Variants in DPP10 observed in about 807,000 individuals in gnomAD.
The protein encoded by DPP10 is inactive dipeptidyl peptidase 10.
A neutral mutation model predicts 120.9 loss-of-function variants in DPP10; 33 were observed. The observed-to-expected ratio is 0.27, with a 90% CI of 0.21 to 0.37. The LOEUF (loss-of-function observed/expected upper bound fraction) is 0.37. Ranked by LOEUF, DPP10 falls within the 10% of genes least tolerant of loss-of-function variation. The pLI is 1.00. For missense variants in DPP10, 816 were observed against 942.8 expected (o/e 0.87, Z 1.76); for synonymous variants, 337 against 326.1 (o/e 1.03, Z -0.36).
chr2:115,051,838 CCA>C (rs1444057907), intron 1 of DPP10, among the ~76,000 whole-genome samples: 3 of 644 alleles, frequency 4.7e-3, no homozygotes, highest in Non-Finnish European at 0.018. Flanking sequence ...GTTCTCATAA[CCA>C]AAAAAATGAT....
In DPP10 at chr2:114,822,587, T is replaced by C. The variant is rs191657831; in HGVS notation, c.60+379749T>C. Among the ~76,000 whole-genome samples the C allele has an allele frequency of 3.3e-4, 51 of 152,324 alleles. 1 individual carries two copies. Among genetic ancestry groups the C allele is most frequent in the African/African-American group, 1.2e-3 (51 of 41,572 alleles). ...AAATTGGTTTTGCTTTTGTATTGCATTGCCAGGCTGCAAATTTTCCAAACT... is the reference window on the plus strand; with the variant it reads ...AAATTGGTTTTGCTTTTGTATTGCACTGCCAGGCTGCAAATTTTCCAAACT... On this transcript the variant is annotated intron_variant, in intron 1 of 25. Transcript: ENST00000410059.
intron 5 of DPP10, among the ~76,000 whole-genome samples, chr2:115,670,555 T>C (rs974868411): frequency 1.2e-4 from 19 of 152,068 alleles, no homozygotes; most frequent in African/African-American, 4.1e-4. Flanking sequence ...AGAGGCTAAG[T>C]TGTGAAAGAG....
intron 5 of DPP10, among the ~76,000 whole-genome samples, chr2:115,653,687 T>C (rs2088016034): frequency 6.6e-6 from 1 of 151,926 alleles, no homozygotes; most frequent in African/African-American, 2.4e-5. Flanking sequence ...TTCCCCTTTT[T>C]CCAACTAGTG....
At chr2:114,748,344 T>C (rs1159420087) in intron 1 of DPP10, among the ~76,000 whole-genome samples, 5 of 130,802 alleles carry the variant, frequency 3.8e-5, no homozygotes, top group African/African-American at 6.2e-5. Context: ...TTTTCTTTTT[T>C]TTTTTTATTT....
At position 115,090,908 on chromosome 2, in the gene DPP10, G is replaced by A. The variant is rs193102861; in HGVS notation, c.61-218331G>A. On this transcript the variant is annotated intron_variant, in intron 1 of 25. Coordinates refer to ENST00000410059, the MANE Select transcript of DPP10 (RefSeq NM_020868.6). ...GAAGGGGTTTGGAATGTTTCTGGTC[G>A]GAGATGTCATTTGTGGTTTATGGTC... 2.3e-4 allele frequency among the ~76,000 whole-genome samples: 35 copies of A among 152,222 alleles called. No individual in the cohort carries two copies. The East Asian group carries it at 4.8e-3, about 21-fold the overall frequency.
At chr2:114,863,208 A>T (rs985395530) in intron 1 of DPP10, among the ~76,000 whole-genome samples, 7 of 152,210 alleles carry the variant, frequency 4.6e-5, no homozygotes, top group African/African-American at 1.4e-4. Context: ...ATAACTCTCA[A>T]GATAATTGAC....
At chr2:115,102,135 G>A (rs1347231839) in intron 1 of DPP10, among the ~76,000 whole-genome samples, 1 of 152,144 alleles carries the variant, frequency 6.6e-6, no homozygotes, top group Non-Finnish European at 1.5e-5. Flanking sequence ...TCAAGATATT[G>A]GTTCCTGGTG....
At chr2:115,009,041 A>G in intron 1 of DPP10, among the ~76,000 whole-genome samples, 1 of 67,108 alleles carries the variant, frequency 1.5e-5, no homozygotes, top group East Asian at 4.2e-4. Flanking sequence ...GGGATCTAGA[A>G]CTAGAAATAC....
rs1573839789 is a variant in DPP10 at position 115,161,874 on chromosome 2, C to G, written c.61-147365C>G. On this transcript the variant is annotated intron_variant, in intron 1 of 25. Coordinates refer to ENST00000410059, the MANE Select transcript of DPP10 (RefSeq NM_020868.6). The stretch of plus-strand genomic sequence containing the variant: ...GCCGATTCCGGGAGCGACGGGCGCC[C>G]GTGACCTGCGAACGCTGCCAAGTGA... The G allele has an allele frequency of 3.3e-5, 44 of 1,340,150 alleles. No homozygotes were observed. The South Asian group carries it at 6.1e-4, about 18-fold the overall frequency. The allele number at this position is 1,340,150 out of a possible 1,614,324, so 83.0% of individuals were successfully genotyped here. A position where few individuals can be genotyped will look rare whatever the true frequency, so the allele number is the denominator to read the frequency against.
At position 115,822,826 on chromosome 2, in the gene DPP10, T is replaced by C. The variant is rs551466578; in HGVS notation, c.1950+7097T>C. 2.6e-5 allele frequency among the ~76,000 whole-genome samples: 4 copies of C among 152,096 alleles called. No homozygotes were observed. In the East Asian group the frequency reaches 7.7e-4, roughly 29 times the overall value. ...AACATGGTTATTTTATAAACTTTTC[T>C]TGGTGCCTTTTGGTATTTAATTCTG... On this transcript the variant is annotated intron_variant, in intron 21 of 25. Coordinates refer to ENST00000410059, the MANE Select transcript of DPP10 (RefSeq NM_020868.6).
At position 115,525,878 on chromosome 2, in the gene DPP10, G is replaced by GTTTTT; in HGVS notation, c.367-15_367-11dup. On this transcript the variant is annotated intron_variant, in intron 4 of 25. Transcript: ENST00000410059. ...GTTAAGAAGTTTTTAAATATAACTG[G>GTTTTT]TTTTTTTTTCTTTTTCTAGGTAACC... The GTTTTT allele has an allele frequency of 6.5e-7, 1 of 1,534,682 alleles. No homozygotes were observed. The highest frequency in any genetic ancestry group is 8.8e-7 in the Non-Finnish European group (1 of 1,134,602).
At chr2:115,204,465 A>C (rs568708784) in intron 1 of DPP10, among the ~76,000 whole-genome samples, 1 of 152,278 alleles carries the variant, frequency 6.6e-6, no homozygotes, top group South Asian at 2.1e-4. Context: ...CGTTGATAGT[A>C]ACAGAAAAAA....
chr2:114,690,388 G>A (rs1430032649), intron 1 of DPP10, among the ~76,000 whole-genome samples: 1 of 151,952 alleles, frequency 6.6e-6, no homozygotes. Flanking sequence ...ATATCAGATG[G>A]GTGTAGGTGT....
intron 1 of DPP10, among the ~76,000 whole-genome samples, chr2:114,669,343 G>A (rs1042868655): frequency 7.9e-5 from 12 of 152,268 alleles, no homozygotes; most frequent in Admixed American, 3.9e-4. Flanking sequence ...ATATGTAGGT[G>A]TATGTGTGAT....
chr2:114,654,296 G>A lies in DPP10; in HGVS notation c.60+211458G>A, dbSNP rs190225687. Among the ~76,000 whole-genome samples, 68 of 152,248 alleles carry A rather than the reference G, an allele frequency of 4.5e-4. 1 individual carries two copies. The highest frequency in any genetic ancestry group is 1.5e-3 in the African/African-American group (63 of 41,544). ...GAGGTGAAGTGACTTCCCATTACATGACTTTTGACCCCCATCGTTGTCTTG... is the reference window on the plus strand; with the variant it reads ...GAGGTGAAGTGACTTCCCATTACATAACTTTTGACCCCCATCGTTGTCTTG... On this transcript the variant is annotated intron_variant, in intron 1 of 25. Coordinates refer to ENST00000410059, the MANE Select transcript of DPP10 (RefSeq NM_020868.6).
chr2:115,593,089 C>T (rs1170521077), intron 5 of DPP10, among the ~76,000 whole-genome samples: 4 of 152,108 alleles, frequency 2.6e-5, no homozygotes, highest in Non-Finnish European at 5.9e-5. Context: ...TTGGTATATA[C>T]AGAAAAGAAC....
intron 1 of DPP10, among the ~76,000 whole-genome samples, chr2:115,203,983 T>A (rs1385556424): frequency 1.3e-5 from 2 of 152,166 alleles, no homozygotes; most frequent in Non-Finnish European, 2.9e-5. Context: ...TATTGTCAAA[T>A]GAATACCTAA....
chr2:114,493,046 G>C (rs1169456070), intron 1 of DPP10, among the ~76,000 whole-genome samples: 1 of 152,170 alleles, frequency 6.6e-6, no homozygotes, highest in Non-Finnish European at 1.5e-5. Context: ...ACTGAAAACA[G>C]TTTGTAGTGC....
intron 4 of DPP10, among the ~76,000 whole-genome samples, chr2:115,503,537 G>C (rs567382301): frequency 6.6e-6 from 1 of 152,234 alleles, no homozygotes; most frequent in Admixed American, 6.5e-5. Context: ...TTTGAGATGA[G>C]GAAAGATTAT....
Sources: gnomAD v4.1 joint callset for allele counts (sites outside exome capture counted in the v4.1 genomes callset) on GRCh38, gnomAD v4.1.1 for gene constraint, MANE v1.5 for transcripts, NCBI Gene and HGNC (gene_info 2026-07-23, HGNC 2026-07-21) for gene names.